Variants in RABGAP1 observed in about 807,000 individuals in gnomAD.
RABGAP1 encodes RAB GTPase activating protein 1.
In RABGAP1, 23 loss-of-function variants were observed where a neutral mutation model predicts 137.6. The observed-to-expected ratio is 0.17, with a 90% CI of 0.12 to 0.24. The LOEUF is 0.24. RABGAP1 is among the 10% of genes least tolerant of loss of function. RABGAP1 has a pLI of 1.00. For missense variants in RABGAP1, 906 were observed against 1,275.8 expected, an observed-to-expected ratio of 0.71 and a Z score of 4.42; for synonymous variants, 451 against 450.7, an observed-to-expected ratio of 1.00 and a Z score of -0.01.
chr9:123,050,730 T>TA (rs1470408233), intron 13 of RABGAP1, among the ~76,000 whole-genome samples: 1 of 152,346 alleles, frequency 6.6e-6, no homozygotes, highest in African/African-American at 2.4e-5. Context: ...CTATTACTGA[T>TA]ATACAGGCTA....
intron 13 of RABGAP1, among the ~76,000 whole-genome samples, chr9:123,036,918 A>G (rs1251754979): frequency 6.6e-6 from 1 of 151,864 alleles, no homozygotes; most frequent in Non-Finnish European, 1.5e-5. Context: ...TGTAGTAGTG[A>G]TGTTTGTTCT....
At chr9:122,982,753 T>G (rs945243112) in intron 2 of RABGAP1, among the ~76,000 whole-genome samples, 2 of 152,160 alleles carry the variant, frequency 1.3e-5, no homozygotes, top group Non-Finnish European at 2.9e-5. Context: ...AAAAATTTTT[T>G]AAGCTGGGCG....
chr9:123,096,487 G>A (rs2035186971), intron 21 of RABGAP1, among the ~76,000 whole-genome samples: 1 of 152,226 alleles, frequency 6.6e-6, no homozygotes. Flanking sequence ...AAAGAGTCAC[G>A]CAATTTAATT....
intron 13 of RABGAP1, among the ~76,000 whole-genome samples, chr9:123,057,801 A>G (rs803734): frequency 0.76 from 115,035 of 152,182 alleles, 45,452 homozygotes; most frequent in Middle Eastern, 0.89. Flanking sequence ...CTGCAATCCC[A>G]GCACCTCGGG....
intron 13 of RABGAP1, among the ~76,000 whole-genome samples, chr9:123,042,636 A>G (rs1028817023): frequency 3.9e-5 from 6 of 152,246 alleles, no homozygotes; most frequent in African/African-American, 1.4e-4. Flanking sequence ...TAGGTCAGAT[A>G]GTGAAACAAA....
At chr9:123,024,713 C>T (rs939963806) in intron 13 of RABGAP1, among the ~76,000 whole-genome samples, 3 of 152,162 alleles carry the variant, frequency 2.0e-5, no homozygotes, top group African/African-American at 7.2e-5. Flanking sequence ...TCTGGGATTA[C>T]AGGCATGAGC....
intron 2 of RABGAP1, among the ~76,000 whole-genome samples, chr9:122,972,976 A>AT (rs1029898171): frequency 2.2e-4 from 5 of 22,816 alleles, no homozygotes; most frequent in Admixed American, 7.7e-4. Context: ...CTCTTTATAT[A>AT]TTAAAAAAAA....
At chr9:123,034,720 G>A (rs983082154) in intron 13 of RABGAP1, 2 of 1,613,668 alleles carry the variant, frequency 1.2e-6, no homozygotes, top group Non-Finnish European at 1.7e-6. Flanking sequence ...TGTGATTTTT[G>A]TATTTCACTG....
At chr9:123,089,524 G>A (rs2034974014) in intron 19 of RABGAP1, 1 of 450,300 alleles carries the variant, frequency 2.2e-6, no homozygotes. Context: ...TTCTAATACT[G>A]TCAGTTAAAG....
intron 13 of RABGAP1, 101 bp downstream of exon 13, chr9:123,020,560 T>A: frequency 8.7e-7 from 1 of 1,154,452 alleles, no homozygotes; most frequent in Non-Finnish European, 1.1e-6. Context: ...TTATTATTAA[T>A]TTATTTAAGA....
intron 1 of RABGAP1, chr9:122,945,568 G>A (rs1184156240): frequency 2.0e-5 from 3 of 152,132 alleles, no homozygotes; most frequent in South Asian, 2.1e-4. Flanking sequence ...TAGTATGTAT[G>A]TATTATCTTG....
chr9:123,090,450 A>G, intron 21 of RABGAP1, 65 bp downstream of exon 21: 1 of 1,319,978 alleles, frequency 7.6e-7, no homozygotes. Context: ...CTCAAGAGAA[A>G]TCCTGGAATT....
At position 123,073,626 on chromosome 9, in the gene RABGAP1, A is replaced by G; in HGVS notation, c.2058A>G (p.Gln686=). The change falls in exon 16 of 26, where the codon CAA becomes CAG. Residue 686 remains glutamine (Q), a synonymous_variant. Coordinates refer to ENST00000373647, the MANE Select transcript of RABGAP1 (RefSeq NM_012197.4). ...FDYGLRELFK[Q]NFEDLHCKFY... Reference sequence around the variant, plus strand: ...ATGGGCTCAGGGAACTTTTCAAGCAAAACTTCGAAGATTTGCATTGCAAAT... The same window carrying G: ...ATGGGCTCAGGGAACTTTTCAAGCAGAACTTCGAAGATTTGCATTGCAAAT... 3 of 1,613,938 alleles carry G rather than the reference A, an allele frequency of 1.9e-6. 1 individual carries two copies. In the Middle Eastern group the frequency reaches 5.0e-4, roughly 266 times the overall value.
In RABGAP1 at chr9:123,076,567, A is replaced by G. The variant is rs1471222642; in HGVS notation, c.2296-67A>G. On this transcript the variant is annotated intron_variant, in intron 18 of 25. Coordinates refer to ENST00000373647, the MANE Select transcript of RABGAP1 (RefSeq NM_012197.4). ...AAAAGTGCTGAAAAGTGCTGAGAAT[A>G]TAAAAAACTTCTTGTGCATCCTTAT... The G allele has an allele frequency of 1.6e-5, 24 of 1,503,550 alleles. No homozygotes were observed. In the East Asian group the frequency reaches 5.2e-4, roughly 33 times the overall value. 93.1% of individuals were successfully genotyped at this position (1,503,550 alleles called of 1,614,324 possible). A position where few individuals can be genotyped will look rare whatever the true frequency, so the allele number is the denominator to read the frequency against.
intron 19 of RABGAP1, among the ~76,000 whole-genome samples, chr9:123,088,138 C>A (rs542681553): frequency 4.4e-4 from 67 of 152,060 alleles, no homozygotes; most frequent in South Asian, 1.7e-3. Context: ...CCATTCTCAA[C>A]CTCCTTGGCT....
chr9:122,944,177 A>G (rs1306805174), intron 1 of RABGAP1, among the ~76,000 whole-genome samples: 2 of 152,162 alleles, frequency 1.3e-5, no homozygotes, highest in African/African-American at 4.8e-5. Context: ...ATTTCAATAT[A>G]ATCAGGTATC....
At chr9:123,038,724 GA>G (rs1289672069) in intron 13 of RABGAP1, among the ~76,000 whole-genome samples, 2 of 151,190 alleles carry the variant, frequency 1.3e-5, no homozygotes, top group East Asian at 1.9e-4. Context: ...TCAGGTTGAA[GA>G]AAAAAATATT....
intron 18 of RABGAP1, 97 bp downstream of exon 18, chr9:123,076,383 A>G (rs1189238557): frequency 3.7e-6 from 5 of 1,354,236 alleles, no homozygotes; most frequent in Non-Finnish European, 5.2e-6. Context: ...ACTGTGCACT[A>G]GCATTACCCA....
chr9:123,057,710 G>T (rs2033789786), intron 13 of RABGAP1, among the ~76,000 whole-genome samples: 1 of 152,350 alleles, frequency 6.6e-6, no homozygotes, highest in East Asian at 1.9e-4. Context: ...GCAGCTGGTA[G>T]GTGGAGGTTG....
Sources: allele counts gnomAD v4.1 joint callset (sites outside exome capture counted in the v4.1 genomes callset), GRCh38; gene constraint gnomAD v4.1.1; transcripts MANE v1.5; gene names NCBI Gene and HGNC (gene_info 2026-07-23, HGNC 2026-07-21).